TTC39A: variants seen among roughly 807,000 people sequenced by gnomAD.
TTC39A encodes tetratricopeptide repeat domain 39A, also known as tetratricopeptide repeat protein 39A.
TTC39A carries 46 observed loss-of-function variants against 82.3 expected under a neutral mutation model. The ratio of observed to expected loss-of-function variants is 0.56; its 90% confidence interval spans 0.44 to 0.71. TTC39A has a LOEUF of 0.71. TTC39A is among the 30% of genes least tolerant of loss of function. The pLI is 0.00. For synonymous variants in TTC39A, 254 were observed against 275.2 expected, an observed-to-expected ratio of 0.92 and a Z score of 0.76; for missense variants, 543 against 712.9, an observed-to-expected ratio of 0.76 and a Z score of 2.71.
chr1:51,337,230 CCT>C (rs1434673625), intron 1 of TTC39A, among the ~76,000 whole-genome samples: 1 of 151,950 alleles, frequency 6.6e-6, no homozygotes, highest in East Asian at 1.9e-4. Flanking sequence ...CCCTTTATTC[CCT>C]CTCTTATTTC....
chr1:51,302,239 G>GC (rs1434126543), intron 11 of TTC39A, 118 bp downstream of exon 11: 1 of 738,188 alleles, frequency 1.4e-6, no homozygotes, highest in Non-Finnish European at 2.4e-6. Flanking sequence ...GTTCTCTCTT[G>GC]GCCCCCCCCC....
At position 51,307,845 on chromosome 1, in the gene TTC39A, G is replaced by A. The variant is rs55867528; in HGVS notation, c.488+1416C>T. Among the ~76,000 whole-genome samples, 734 of 150,966 alleles carry A rather than the reference G, an allele frequency of 4.9e-3. 5 individuals are homozygous for A. Among genetic ancestry groups the A allele is most frequent in the Middle Eastern group, 0.017 (5 of 290 alleles). Reference sequence around the variant, plus strand: ...TTTAACATCTTAACCAATTTTAAGTGTACAATTCAGTGGTATTAACTACAT... The same window carrying A: ...TTTAACATCTTAACCAATTTTAAGTATACAATTCAGTGGTATTAACTACAT... On this transcript the variant is annotated intron_variant, in intron 6 of 17. Coordinates refer to ENST00000680483, the MANE Select transcript of TTC39A (RefSeq NM_001297663.2).
chr1:51,301,543 A>G, intron 12 of TTC39A, 29 bp downstream of exon 12: 1 of 1,569,998 alleles, frequency 6.4e-7, no homozygotes, highest in Non-Finnish European at 8.7e-7. Flanking sequence ...CTGGTCACCC[A>G]ATGCCCCTAA....
At chr1:51,310,672 G>A (rs1645048959) in intron 5 of TTC39A, among the ~76,000 whole-genome samples, 1 of 152,166 alleles carries the variant, frequency 6.6e-6, no homozygotes, top group Non-Finnish European at 1.5e-5. Context: ...TTCCCACCGT[G>A]TGGTGAGGAG....
At chr1:51,341,372 G>A (rs1646034592) in intron 1 of TTC39A, among the ~76,000 whole-genome samples, 2 of 152,114 alleles carry the variant, frequency 1.3e-5, no homozygotes, top group Admixed American at 1.3e-4. Context: ...AAACTGCTTT[G>A]AGAGGCAGAA....
At chr1:51,313,049 G>A in intron 2 of TTC39A, 106 bp from the exon 3 acceptor site, 2 of 1,473,370 alleles carry the variant, frequency 1.4e-6, no homozygotes, top group Non-Finnish European at 1.8e-6. Context: ...TGAGGTGAGG[G>A]GACCAGAGGT....
chr1:51,320,229 T>TG (rs1645446370), intron 2 of TTC39A, among the ~76,000 whole-genome samples: 1 of 151,732 alleles, frequency 6.6e-6, no homozygotes, highest in South Asian at 2.1e-4. Flanking sequence ...TCTGATGGAG[T>TG]GGTTATAAAG....
chr1:51,322,285 T>A, intron 1 of TTC39A: 1 of 1,435,874 alleles, frequency 7.0e-7, no homozygotes, highest in Non-Finnish European at 9.2e-7. Context: ...CCTGACGTTG[T>A]CACAATGGGC....
At chr1:51,314,457 A>C (rs1645208537) in intron 2 of TTC39A, among the ~76,000 whole-genome samples, 1 of 152,210 alleles carries the variant, frequency 6.6e-6, no homozygotes, top group East Asian at 1.9e-4. Context: ...GAGATGACTA[A>C]GGTTTACAGG....
chr1:51,291,170 T>A (rs1010510003), intron 14 of TTC39A, among the ~76,000 whole-genome samples: 1 of 152,220 alleles, frequency 6.6e-6, no homozygotes, highest in African/African-American at 2.4e-5. Context: ...TTATTCTTTT[T>A]CTTAGATTCT....
upstream of TTC39A, among the ~76,000 whole-genome samples, chr1:51,336,305 C>T (rs943497214): frequency 6.6e-6 from 1 of 152,154 alleles, no homozygotes; most frequent in Non-Finnish European, 1.5e-5. Context: ...CAGGCATGGA[C>T]TCTGCCCCCC....
chr1:51,317,951 GC>G (rs1645355090), intron 2 of TTC39A, among the ~76,000 whole-genome samples: 1 of 152,172 alleles, frequency 6.6e-6, no homozygotes, highest in African/African-American at 2.4e-5. Flanking sequence ...CTGTTAGAAT[GC>G]CCTCCTGAGG....
intron 13 of TTC39A, among the ~76,000 whole-genome samples, chr1:51,295,365 C>T (rs556134078): frequency 6.6e-6 from 1 of 152,270 alleles, no homozygotes. Context: ...ATACCCATTT[C>T]TGGGTCTGCA....
intron 1 of TTC39A, among the ~76,000 whole-genome samples, chr1:51,328,463 G>A (rs1034011589): frequency 3.3e-4 from 50 of 152,218 alleles, no homozygotes; most frequent in African/African-American, 1.1e-3. Flanking sequence ...GTGTGAAAAC[G>A]CGAGCTGCAG....
rs1645539967 is a variant in TTC39A, at chr1:51,321,955, AG to A, written c.42-131del. Reference sequence around the variant, plus strand: ...TTGGGTGCCTGTCACGAGCTCCTCCAGGCTGCCACTCTGTACTGGGACGCAG... The same window carrying A: ...TTGGGTGCCTGTCACGAGCTCCTCCAGCTGCCACTCTGTACTGGGACGCAG... On this transcript the variant is annotated intron_variant, in intron 1 of 17. Transcript: ENST00000680483. This position sits in a 1 kb window ranked among gnomAD's most constrained non-coding sequence, Gnocchi z 4.6. 3.0e-6 allele frequency: 4 copies of A among 1,319,236 alleles called. No individual in the cohort carries two copies. Among genetic ancestry groups the A allele is most frequent in the Admixed American group, 2.1e-5 (1 of 47,302 alleles). 81.7% of individuals were successfully genotyped at this position (1,319,236 alleles called of 1,614,324 possible).
At position 51,330,229 on chromosome 1, in the gene TTC39A, G is replaced by A. The variant is rs1645854559; in HGVS notation, c.41+208C>T. ...GACCCAGAAGGTGAGTGACCGACCC[G>A]GGGTCCCCGCGCCTCCGCCTCCTCA... On this transcript the variant is annotated intron_variant, in intron 1 of 17. Transcript: ENST00000680483. The surrounding 1 kb of genome is among the most constrained non-coding windows in gnomAD (Gnocchi z 4.5). The A allele has an allele frequency of 5.1e-6, 5 of 984,886 alleles. No individual in the cohort carries two copies. Among genetic ancestry groups the A allele is most frequent in the South Asian group, 4.7e-5 (1 of 21,278 alleles). 61.0% of individuals were successfully genotyped at this position (984,886 alleles called of 1,614,324 possible).
chr1:51,318,324 CTG>C (rs1645370668), intron 2 of TTC39A, among the ~76,000 whole-genome samples: 1 of 152,126 alleles, frequency 6.6e-6, no homozygotes, highest in South Asian at 2.1e-4. Context: ...TCCAAGAAAA[CTG>C]AGAGGGGAAC....
rs1046462080 is a variant in TTC39A, at chr1:51,330,350, G to A, written c.41+87C>T. 11 of 920,616 alleles carry A rather than the reference G, an allele frequency of 1.2e-5. No individual in the cohort carries two copies. The highest frequency in any genetic ancestry group is 1.2e-4 in the East Asian group (1 of 8,496). The allele number at this position is 920,616 out of a possible 1,614,324, so 57.0% of individuals were successfully genotyped here. On this transcript the variant is annotated intron_variant, in intron 1 of 17. Transcript: ENST00000680483. This position sits in a 1 kb window ranked among gnomAD's most constrained non-coding sequence, Gnocchi z 4.5. The stretch of plus-strand genomic sequence containing the variant: ...GCAGTGCGGCCCCAGGCCGGTGCGC[G>A]GGGGGAGGCCTGGCGCGGCGCCCGC...
chr1:51,306,118 G>C (rs770039104), intron 6 of TTC39A, 42 bp from the exon 7 acceptor site: 14 of 1,561,938 alleles, frequency 9.0e-6, no homozygotes, highest in Admixed American at 3.4e-5. Flanking sequence ...ACTGCTGGGG[G>C]TGGGGGGTAG....
Sources: gnomAD v4.1 joint callset for allele counts (sites outside exome capture counted in the v4.1 genomes callset) on GRCh38, gnomAD v4.1.1 for gene constraint, Gnocchi (gnomAD v3.1) non-coding constraint, MANE v1.5 for transcripts, NCBI Gene and HGNC (gene_info 2026-07-23, HGNC 2026-07-21) for gene names.